MGST2: variants seen among roughly 807,000 people sequenced by gnomAD.
MGST2 encodes the protein glutathione peroxidase MGST2.
A neutral mutation model predicts 16.6 loss-of-function variants in MGST2; 9 were observed. That is an observed-to-expected ratio of 0.54 (90% CI 0.33 to 0.95). The LOEUF is 0.95. Among genes scored for constraint, MGST2 ranks in the 40% least tolerant of loss-of-function variants. The pLI, the probability that MGST2 is intolerant of heterozygous loss-of-function variation, is 0.03. For missense variants in MGST2, 159 were observed against 175.1 expected (o/e 0.91, Z 0.52); for synonymous variants, 79 against 68.0 (o/e 1.16, Z -0.79).
chr4:139,733,011 C>T (rs1302910044), intron 5 of MGST2, among the ~76,000 whole-genome samples: 1 of 152,136 alleles, frequency 6.6e-6, no homozygotes, highest in East Asian at 1.9e-4. Context: ...CAGGACTAAC[C>T]CTTGCAGGGG....
At chr4:139,753,127 C>T in the MGST2 span, among the ~76,000 whole-genome samples, 1 of 152,168 alleles carries the variant, frequency 6.6e-6, no homozygotes, top group Non-Finnish European at 1.5e-5. Flanking sequence ...CACTCAATTC[C>T]TATTTTCCTT....
At chr4:139,679,226 C>T (rs1255242212) in intron 2 of MGST2, 2 of 155,302 alleles carry the variant, frequency 1.3e-5, no homozygotes, top group Admixed American at 6.3e-5. Context: ...AATGCTAGGG[C>T]GTACTTTATA....
chr4:139,713,526 GA>G (rs1473527072), intron 5 of MGST2, among the ~76,000 whole-genome samples: 1 of 123,050 alleles, frequency 8.1e-6, no homozygotes, highest in Non-Finnish European at 1.8e-5. Context: ...TGACTGAGAA[GA>G]AAAAACCTTT....
chr4:139,691,678 TGATGATGATG>T (rs1560747749), intron 2 of MGST2, among the ~76,000 whole-genome samples: 4 of 142,688 alleles, frequency 2.8e-5, no homozygotes, highest in Admixed American at 2.1e-4. Flanking sequence ...ATGATGATGA[TGATGATGATG>T]ATGATGATGA....
At chr4:139,716,279 A>AAAG (rs1560763708) in intron 5 of MGST2, among the ~76,000 whole-genome samples, 1 of 152,196 alleles carries the variant, frequency 6.6e-6, no homozygotes, top group Non-Finnish European at 1.5e-5. Context: ...TTTGAGATGC[A>AAAG]AAGAAGTGGC....
chr4:139,677,704 T>C (rs1473879438), intron 1 of MGST2, among the ~76,000 whole-genome samples: 1 of 152,168 alleles, frequency 6.6e-6, no homozygotes, highest in Non-Finnish European at 1.5e-5. Flanking sequence ...GGTTTCTCCA[T>C]GTTGGTCAGG....
chr4:139,726,604 T>C (rs1374920334), intron 5 of MGST2, among the ~76,000 whole-genome samples: 1 of 152,198 alleles, frequency 6.6e-6, no homozygotes, highest in Non-Finnish European at 1.5e-5. Context: ...CATAGGAAGA[T>C]GACATCCTCA....
intron 1 of MGST2, among the ~76,000 whole-genome samples, chr4:139,670,729 A>G (rs1455832310): frequency 3.3e-5 from 5 of 152,086 alleles, no homozygotes; most frequent in African/African-American, 7.2e-5. Context: ...CCTGGGCAAC[A>G]TGATGAAATG....
chr4:139,714,382 T>C (rs1320385723), intron 5 of MGST2, among the ~76,000 whole-genome samples: 1 of 152,224 alleles, frequency 6.6e-6, no homozygotes, highest in Admixed American at 6.5e-5. Flanking sequence ...GCCAGAAATC[T>C]GACTGGGAAG....
chr4:139,703,893 T>G, intron 4 of MGST2, 123 bp from the exon 5 acceptor site: 3 of 1,286,274 alleles, frequency 2.3e-6, no homozygotes, highest in Non-Finnish European at 3.4e-6. Context: ...GAGCTAAAAT[T>G]TTCAAATTGC....
At chr4:139,733,131 G>A (rs939927501) in intron 5 of MGST2, among the ~76,000 whole-genome samples, 9 of 152,156 alleles carry the variant, frequency 5.9e-5, no homozygotes, top group African/African-American at 2.2e-4. Context: ...GGGACAAATG[G>A]CTGATTGGCT....
At chr4:139,683,989 A>T (rs1392836204) in intron 2 of MGST2, among the ~76,000 whole-genome samples, 1 of 143,816 alleles carries the variant, frequency 7.0e-6, no homozygotes, top group Non-Finnish European at 1.5e-5. Flanking sequence ...CAGTGGCCAC[A>T]ATCTTGGCTC....
chr4:139,752,042 T>A, the MGST2 span, among the ~76,000 whole-genome samples: 1 of 152,196 alleles, frequency 6.6e-6, no homozygotes, highest in South Asian at 2.1e-4. Flanking sequence ...GGAATAGCCT[T>A]ATCTTTTCTC....
chr4:139,698,991 C>T lies in MGST2; in HGVS notation c.229+3724C>T, dbSNP rs185710977. On this transcript the variant is annotated intron_variant, in intron 3 of 4. Transcript: ENST00000265498. The stretch of plus-strand genomic sequence containing the variant: ...CTTTTTGGGAGCACTTTCAGCACCA[C>T]TAGTAGCAATCTGTATGGGTATCAT... Among the ~76,000 whole-genome samples the T allele has an allele frequency of 4.6e-5, 7 of 152,308 alleles. No homozygotes were observed. The East Asian group carries it at 1.2e-3, about 25-fold the overall frequency.
the MGST2 span, among the ~76,000 whole-genome samples, chr4:139,747,221 T>TTC: frequency 2.6e-4 from 39 of 152,314 alleles, no homozygotes; most frequent in Non-Finnish European, 5.6e-4. Flanking sequence ...AATCCACACC[T>TTC]TCTGCATCAC....
At chr4:139,728,649 G>A (rs1728574592) in intron 5 of MGST2, among the ~76,000 whole-genome samples, 1 of 152,200 alleles carries the variant, frequency 6.6e-6, no homozygotes, top group South Asian at 2.1e-4. Flanking sequence ...ATGATCCACA[G>A]GTCACGGCTT....
intron 1 of MGST2, among the ~76,000 whole-genome samples, chr4:139,666,885 G>C (rs1359300983): frequency 6.6e-6 from 1 of 152,228 alleles, no homozygotes; most frequent in East Asian, 1.9e-4. Flanking sequence ...CACAGCTGAG[G>C]ATCCAGTCCA....
chr4:139,714,825 G>A (rs557783052), intron 5 of MGST2, among the ~76,000 whole-genome samples: 4 of 152,196 alleles, frequency 2.6e-5, no homozygotes, highest in Non-Finnish European at 5.9e-5. Context: ...TCAGGTGGCT[G>A]CTGTCGGTGG....
intron 1 of MGST2, among the ~76,000 whole-genome samples, chr4:139,674,286 C>G (rs1730852683): frequency 1.3e-5 from 2 of 152,100 alleles, no homozygotes; most frequent in Admixed American, 6.6e-5. Flanking sequence ...AACTCAAAGT[C>G]TATATCCAGG....
Sources: gnomAD v4.1 joint callset for allele counts (sites outside exome capture counted in the v4.1 genomes callset) on GRCh38, gnomAD v4.1.1 for gene constraint, MANE v1.5 for transcripts, NCBI Gene and HGNC (gene_info 2026-07-23, HGNC 2026-07-21) for gene names.